Variants in ZSCAN25 observed in about 807,000 individuals in gnomAD.
ZSCAN25 encodes the protein zinc finger and SCAN domain-containing protein 25.
ZSCAN25 carries 27 observed loss-of-function variants against 38.7 expected under a neutral mutation model. The observed-to-expected ratio is 0.70, with a 90% CI of 0.51 to 0.96. ZSCAN25 has a LOEUF of 0.96. Ranked by LOEUF, ZSCAN25 falls within the 40% of genes least tolerant of loss-of-function variation. ZSCAN25 has a pLI of 0.00. For missense variants in ZSCAN25, 637 were observed against 705.9 expected (o/e 0.90, Z 1.11); for synonymous variants, 273 against 277.7 (o/e 0.98, Z 0.17).
chr7:99,715,566 A>C, the ZSCAN25 span: 1 of 981,268 alleles, frequency 1.0e-6, no homozygotes, highest in East Asian at 2.8e-5. Flanking sequence ...TGATAGCTAA[A>C]CATGTATGAG....
At chr7:99,653,181 G>C in the ZSCAN25 span, among the ~76,000 whole-genome samples, 1 of 152,204 alleles carries the variant, frequency 6.6e-6, no homozygotes, top group Non-Finnish European at 1.5e-5. The surrounding 1 kb of genome is among the most constrained non-coding windows in gnomAD (Gnocchi z 4.2). Flanking sequence ...AGGGAAAAGA[G>C]CAAATATCCT....
the ZSCAN25 span, chr7:99,679,711 T>C: frequency 1.0e-6 from 1 of 958,366 alleles, no homozygotes; most frequent in African/African-American, 1.6e-5. Flanking sequence ...GTCCAACACT[T>C]CAGCTACTTC....
the ZSCAN25 span, chr7:99,730,954 T>C: frequency 1.4e-6 from 2 of 1,438,118 alleles, no homozygotes; most frequent in Non-Finnish European, 1.9e-6. Flanking sequence ...TTTCTGAAAG[T>C]ATAAAATCTC....
Position 99,631,328 on chromosome 7 carries a change from G to A in ZSCAN25, c.*1308G>A. 1 of 985,100 alleles carries A rather than the reference G, an allele frequency of 1.0e-6. No individual in the cohort carries two copies. Among genetic ancestry groups the A allele is most frequent in the Non-Finnish European group, 1.2e-6 (1 of 829,846 alleles). 61.0% of individuals were successfully genotyped at this position (985,100 alleles called of 1,614,324 possible). ...CTGTTTTGCATGAGTGCCAAGTCAG[G>A]AAAAATAAAGATATTTGTAGGCATT... is the stretch of plus-strand genomic sequence containing the variant. On this transcript the variant is annotated 3_prime_UTR_variant, in exon 8 of 8. Coordinates refer to ENST00000394152, the MANE Select transcript of ZSCAN25 (RefSeq NM_145115.3).
chr7:99,676,393 C>A, the ZSCAN25 span: 2 of 1,515,986 alleles, frequency 1.3e-6, no homozygotes, highest in Admixed American at 3.6e-5. Context: ...ATTCTGAGAC[C>A]CCTGAAAAGT....
downstream of ZSCAN25, among the ~76,000 whole-genome samples, chr7:99,634,779 A>G (rs1008475026): frequency 6.6e-6 from 1 of 152,176 alleles, no homozygotes; most frequent in African/African-American, 2.4e-5. Flanking sequence ...CCTGGGGGAC[A>G]GAGTGAGACT....
chr7:99,649,106 A>G, the ZSCAN25 span, among the ~76,000 whole-genome samples: 890 of 152,316 alleles, frequency 5.8e-3, 7 homozygotes, highest in African/African-American at 0.021. Flanking sequence ...GCAAATTGCC[A>G]TGGATACAAA....
chr7:99,618,692 T>G (rs1217645462), intron 2 of ZSCAN25, 41 bp downstream of exon 2: 1 of 152,172 alleles, frequency 6.6e-6, no homozygotes, highest in African/African-American at 2.4e-5. Context: ...GCCTATTCCC[T>G]GTCAACACAC....
At chr7:99,666,690 C>G in the ZSCAN25 span, 88 of 1,614,076 alleles carry the variant, frequency 5.5e-5, 2 homozygotes, top group South Asian at 3.7e-4. Context: ...TGGGGAACAT[C>G]TAAGCACAAA....
the ZSCAN25 span, among the ~76,000 whole-genome samples, chr7:99,638,963 G>A: frequency 7.9e-5 from 12 of 152,242 alleles, no homozygotes; most frequent in Admixed American, 4.6e-4. Flanking sequence ...TCCAGTCGCC[G>A]CTGCCACCTG....
chr7:99,716,383 C>G, the ZSCAN25 span, among the ~76,000 whole-genome samples: 1 of 152,188 alleles, frequency 6.6e-6, no homozygotes, highest in Non-Finnish European at 1.5e-5. Context: ...TCCTGAGCTC[C>G]TAGAAATATC....
the ZSCAN25 span, chr7:99,660,790 G>T: frequency 9.0e-7 from 1 of 1,114,154 alleles, no homozygotes; most frequent in Non-Finnish European, 1.3e-6. Flanking sequence ...CACACTGGGA[G>T]TGGTTTTCAT....
intron 7 of ZSCAN25, among the ~76,000 whole-genome samples, chr7:99,628,414 T>G (rs1807683354): frequency 6.6e-6 from 1 of 152,188 alleles, no homozygotes; most frequent in Non-Finnish European, 1.5e-5. Flanking sequence ...TCTCCTCCCC[T>G]TTCTGTTACT....
chr7:99,733,959 C>T, the ZSCAN25 span, among the ~76,000 whole-genome samples: 4 of 152,138 alleles, frequency 2.6e-5, no homozygotes, highest in East Asian at 5.8e-4. Context: ...GACTCATATT[C>T]CTGACATTAT....
rs76111500 is a variant in ZSCAN25 at position 99,624,735 on chromosome 7, G to A, written c.805+555G>A. On this transcript the variant is annotated intron_variant, in intron 7 of 7. Transcript: ENST00000394152. The stretch of plus-strand genomic sequence containing the variant: ...TCAGGTGGTGGCTGGGTTTGACCTG[G>A]GCTCAGAGCCTGGGGGGATGCGGCC... Among the ~76,000 whole-genome samples, 26 of 152,286 alleles carry A rather than the reference G, an allele frequency of 1.7e-4. No homozygotes were observed. The East Asian group carries it at 5.0e-3, about 29-fold the overall frequency.
chr7:99,717,482 T>G, the ZSCAN25 span: 6 of 1,610,072 alleles, frequency 3.7e-6, no homozygotes, highest in South Asian at 6.6e-5. Flanking sequence ...CCCCACCTGA[T>G]TCATTCTTTA....
the ZSCAN25 span, among the ~76,000 whole-genome samples, chr7:99,699,369 A>G: frequency 6.6e-6 from 1 of 152,148 alleles, no homozygotes; most frequent in African/African-American, 2.4e-5. Context: ...ATGTTTTGGG[A>G]CATGGCACAG....
chr7:99,708,944 G>A, the ZSCAN25 span: 4 of 1,402,138 alleles, frequency 2.9e-6, no homozygotes, highest in Non-Finnish European at 4.0e-6. Flanking sequence ...ACAAGCAAAC[G>A]ATTGTACAAG....
At chr7:99,690,461 T>C in the ZSCAN25 span, among the ~76,000 whole-genome samples, 115 of 152,122 alleles carry the variant, frequency 7.6e-4, 2 homozygotes, top group East Asian at 0.011. Flanking sequence ...CTAATGAAAC[T>C]AAAGAGCTTC....
Sources: gnomAD v4.1 joint callset for allele counts (sites outside exome capture counted in the v4.1 genomes callset) on GRCh38, gnomAD v4.1.1 for gene constraint, Gnocchi (gnomAD v3.1) non-coding constraint, MANE v1.5 for transcripts, NCBI Gene and HGNC (gene_info 2026-07-23, HGNC 2026-07-21) for gene names.